Variants in HERC1 observed in about 807,000 individuals in gnomAD.
HERC1 encodes the protein probable E3 ubiquitin-protein ligase HERC1.
HERC1 carries 160 observed loss-of-function variants against 554.3 expected under a neutral mutation model. The observed-to-expected ratio is 0.29, with a 90% CI of 0.25 to 0.33. The LOEUF is 0.33. HERC1 is among the 10% of genes least tolerant of loss of function. The probability of loss-of-function intolerance (pLI) is 1.00; values close to 1 mark genes in which losing one functional copy is unlikely to be tolerated. For synonymous variants in HERC1, 2,175 were observed against 2,131.7 expected (o/e 1.02, Z -0.56); for missense variants, 4,919 against 5,918.5 (o/e 0.83, Z 5.54).
In HERC1 at chr15:63,756,772, T is replaced by C. The variant is rs1402449101; in HGVS notation, c.1222-24A>G. On this transcript the variant is annotated intron_variant, in intron 4 of 77. Transcript: ENST00000443617. This position sits in a 1 kb window ranked among gnomAD's most constrained non-coding sequence, Gnocchi z 5.0. ...ATCTATAAACAAAGAATCATAAATA[T>C]AAAATACTTCTGTGAGTATCAAAGT... 1 of 1,438,522 alleles carries C rather than the reference T, an allele frequency of 7.0e-7. No homozygotes were observed. Among genetic ancestry groups the C allele is most frequent in the Non-Finnish European group, 9.4e-7 (1 of 1,065,030 alleles). The allele number at this position is 1,438,522 out of a possible 1,614,324, so 89.1% of individuals were successfully genotyped here.
Position 63,689,786 on chromosome 15 carries a change from T to C in HERC1, c.5938-87A>G. The C allele has an allele frequency of 4.3e-6, 3 of 704,628 alleles. No individual in the cohort carries two copies. The South Asian group carries it at 5.9e-5, about 14-fold the overall frequency. 43.6% of individuals were successfully genotyped at this position (704,628 alleles called of 1,614,324 possible). A position where few individuals can be genotyped will look rare whatever the true frequency, so the allele number is the denominator to read the frequency against. On this transcript the variant is annotated intron_variant, in intron 32 of 77. Coordinates refer to ENST00000443617, the MANE Select transcript of HERC1 (RefSeq NM_003922.4). The stretch of plus-strand genomic sequence containing the variant: ...AGCTGTATCATGTTAACTGTAATAT[T>C]AACTCGCATGCGAAGTTTGATTATA...
chr15:63,657,231 G>T (rs1324219935), intron 48 of HERC1, among the ~76,000 whole-genome samples: 1 of 148,410 alleles, frequency 6.7e-6, no homozygotes, highest in Admixed American at 6.7e-5. Context: ...GTGTGCAATG[G>T]TATCTCATTG....
rs1474657619 is a variant in HERC1, at chr15:63,775,896, G to A, written c.-26-247C>T. ...CTACTAAAAATACAAAAATTAGCCA[G>A]GCATGGTGGCACATACCTCTAGTCC... is the stretch of plus-strand genomic sequence containing the variant. On this transcript the variant is annotated intron_variant, in intron 1 of 77. Coordinates refer to ENST00000443617, the MANE Select transcript of HERC1 (RefSeq NM_003922.4). The surrounding 1 kb of genome is among the most constrained non-coding windows in gnomAD (Gnocchi z 4.0). Among the ~76,000 whole-genome samples the A allele has an allele frequency of 1.3e-5, 2 of 152,028 alleles. No individual in the cohort carries two copies. The highest frequency in any genetic ancestry group is 2.9e-5 in the Non-Finnish European group (2 of 68,030).
rs1019023467 is a variant in HERC1 at position 63,677,292 on chromosome 15, C to A, written c.7070+553G>T. ...AAACACACCTAAATGCTTTTAAATA[C>A]CCAGTTTGTGTTAAATAAATGTAAC... On this transcript the variant is annotated intron_variant, in intron 37 of 77. Coordinates refer to ENST00000443617, the MANE Select transcript of HERC1 (RefSeq NM_003922.4). This position sits in a 1 kb window ranked among gnomAD's most constrained non-coding sequence, Gnocchi z 4.4. Among the ~76,000 whole-genome samples, 12 of 152,128 alleles carry A rather than the reference C, an allele frequency of 7.9e-5. No homozygotes were observed. In the South Asian group the frequency reaches 1.9e-3, roughly 24 times the overall value.
At chr15:63,799,528 GAA>G (rs1022537440) in intron 1 of HERC1, among the ~76,000 whole-genome samples, 8 of 151,432 alleles carry the variant, frequency 5.3e-5, no homozygotes, top group African/African-American at 1.7e-4. Flanking sequence ...AAAAGAAAAA[GAA>G]AAATATTGAT....
At chr15:63,822,231 T>A (rs966127886) in intron 1 of HERC1, among the ~76,000 whole-genome samples, 5 of 152,200 alleles carry the variant, frequency 3.3e-5, no homozygotes, top group Non-Finnish European at 7.3e-5. Flanking sequence ...GACTACATCA[T>A]GTAGGACTTT....
intron 19 of HERC1, among the ~76,000 whole-genome samples, chr15:63,722,817 G>C (rs928950207): frequency 6.6e-6 from 1 of 152,050 alleles, no homozygotes. Flanking sequence ...GTACACACAG[G>C]AAAAAACGTA....
intron 1 of HERC1, among the ~76,000 whole-genome samples, chr15:63,829,594 T>TATAAAA (rs1555455841): frequency 1.5e-5 from 2 of 131,476 alleles, no homozygotes; most frequent in East Asian, 2.1e-4. Flanking sequence ...TATATATATA[T>TATAAAA]AATATACTGA....
At chr15:63,624,362 A>T (rs1239451829) in intron 71 of HERC1, 35 bp from the exon 72 acceptor site, 2 of 1,524,634 alleles carry the variant, frequency 1.3e-6, no homozygotes, top group African/African-American at 1.4e-5. Flanking sequence ...GAAATGGTAC[A>T]ATCTAGGCTT....
At chr15:63,750,433 G>A (rs1034446357) in intron 8 of HERC1, among the ~76,000 whole-genome samples, 1 of 152,126 alleles carries the variant, frequency 6.6e-6, no homozygotes, top group Non-Finnish European at 1.5e-5. Flanking sequence ...AGACAAATAG[G>A]TGACTGACTG....
rs1256690143 is a variant in HERC1 at position 63,746,932 on chromosome 15, C to G, written c.2506G>C (p.Asp836His). Residue 836 changes from aspartate (D) to histidine (H), a missense_variant, in exon 12 of 78, where the codon GAT becomes CAT. Asp to His is a moderately conservative substitution (Grantham distance 81, BLOSUM62 -1). Transcript: ENST00000443617. Reference protein sequence around the residue: ...LFRLMDSTVPDEIQEVVIETL... With the variant: ...LFRLMDSTVPHEIQEVVIETL... ...TATTCTCTTACCTCTTGGATTTCATCTGGGACAGTTGAGTCCATCAGTCTG... is the reference window on the plus strand; with the variant it reads ...TATTCTCTTACCTCTTGGATTTCATGTGGGACAGTTGAGTCCATCAGTCTG... 2 of 1,552,122 alleles carry G rather than the reference C, an allele frequency of 1.3e-6. No homozygotes were observed. Among genetic ancestry groups the G allele is most frequent in the Non-Finnish European group, 1.7e-6 (2 of 1,147,230 alleles).
At chr15:63,826,813 AAATATATATAT>A (rs1227159555) in intron 1 of HERC1, among the ~76,000 whole-genome samples, 1 of 61,294 alleles carries the variant, frequency 1.6e-5, no homozygotes, top group African/African-American at 6.6e-5. Flanking sequence ...AAAAAAAAAA[AAATATATATAT>A]ATATATATAT....
chr15:63,656,796 C>A (rs1241602796), intron 48 of HERC1, among the ~76,000 whole-genome samples: 1 of 152,170 alleles, frequency 6.6e-6, no homozygotes, highest in East Asian at 1.9e-4. Flanking sequence ...AACTTTACAT[C>A]AATTGAATAA....
intron 1 of HERC1, among the ~76,000 whole-genome samples, chr15:63,821,997 G>A (rs1596327130): frequency 6.6e-6 from 1 of 152,178 alleles, no homozygotes; most frequent in Admixed American, 6.5e-5. Flanking sequence ...GATGTAGGGA[G>A]TGGCCACTAT....
At chr15:63,639,479 C>A (rs775705863) in intron 61 of HERC1, among the ~76,000 whole-genome samples, 4 of 152,110 alleles carry the variant, frequency 2.6e-5, no homozygotes, top group African/African-American at 7.2e-5. Context: ...GTCAAGATTG[C>A]CTAACAATGC....
At chr15:63,668,110 G>A (rs2070731814) in intron 40 of HERC1, among the ~76,000 whole-genome samples, 1 of 152,004 alleles carries the variant, frequency 6.6e-6, no homozygotes. Flanking sequence ...TTAATTCAAA[G>A]AAAGTTAATT....
rs747664709 is a variant in HERC1 at position 63,655,808 on chromosome 15, C to A, written c.10018G>T (p.Ala3340Ser). 2 of 1,588,946 alleles carry A rather than the reference C, an allele frequency of 1.3e-6. No homozygotes were observed. The highest frequency in any genetic ancestry group is 2.3e-5 in the East Asian group (1 of 44,144). ...TTGGCCCCTTTGTCTGCTAGCAATG[C>A]CACAAGGGCCTGTGTTACAACAAAG... is the stretch of plus-strand genomic sequence containing the variant. ...PNFVVTQALVALLADKGAKLR... is the reference protein window; with the variant it reads ...PNFVVTQALVSLLADKGAKLR... Residue 3340 changes from alanine (A) to serine (S), a missense_variant, in exon 50 of 78, where the codon GCA becomes TCA. Physicochemically the swap from Ala to Ser is moderately conservative, Grantham distance 99 (BLOSUM62 1). Coordinates refer to ENST00000443617, the MANE Select transcript of HERC1 (RefSeq NM_003922.4).
At chr15:63,747,587 A>AT in intron 11 of HERC1, 137 bp downstream of exon 11, 3 of 486,772 alleles carry the variant, frequency 6.2e-6, no homozygotes, top group Non-Finnish European at 1.1e-5. Flanking sequence ...TTTCTAGATT[A>AT]TAAAAAAGTT....
chr15:63,754,424 T>C lies in HERC1; in HGVS notation c.1774+81A>G, dbSNP rs182477523. 9.3e-4 allele frequency: 977 copies of C among 1,046,252 alleles called. 6 individuals carry two copies. In the African/African-American group the frequency reaches 0.014, roughly 15 times the overall value. 64.8% of individuals were successfully genotyped at this position (1,046,252 alleles called of 1,614,324 possible). On this transcript the variant is annotated intron_variant, in intron 7 of 77. Transcript: ENST00000443617. ...CATCTGTATTTGAGTCATTCTACAC[T>C]AGGCATATATAACTGAAAAATAAAT...
Sources: allele counts gnomAD v4.1 joint callset (sites outside exome capture counted in the v4.1 genomes callset), GRCh38; gene constraint gnomAD v4.1.1; non-coding constraint Gnocchi (gnomAD v3.1); transcripts MANE v1.5; gene names NCBI Gene and HGNC (gene_info 2026-07-23, HGNC 2026-07-21).